The following ARFGAP2 variants were observed in gnomAD, a reference collection of about 807,000 sequenced individuals.
ARFGAP2 encodes the protein ADP-ribosylation factor GTPase-activating protein 2.
ARFGAP2 carries 45 observed loss-of-function variants against 71.9 expected under a neutral mutation model. That is an observed-to-expected ratio of 0.63 (90% CI 0.49 to 0.80). ARFGAP2 has a LOEUF of 0.80. ARFGAP2 is among the 30% of genes least tolerant of loss of function. The pLI, the probability that ARFGAP2 is intolerant of heterozygous loss-of-function variation, is 0.00. For missense variants in ARFGAP2, 633 were observed against 673.9 expected, an observed-to-expected ratio of 0.94 and a Z score of 0.67; for synonymous variants, 248 against 249.2, an observed-to-expected ratio of 1.00 and a Z score of 0.05.
chr11:47,172,251 CCCTCTACCATACCA>C lies in ARFGAP2; in HGVS notation c.672+16_672+29del, dbSNP rs1312923638. 3.1e-6 allele frequency: 5 copies of C among 1,611,450 alleles called. No homozygotes were observed. The African/African-American group carries it at 6.7e-5, about 22-fold the overall frequency. On this transcript the variant is annotated intron_variant, in intron 8 of 15. Coordinates refer to ENST00000524782, the MANE Select transcript of ARFGAP2 (RefSeq NM_032389.6). ...AGGTAGCCTGCACCCAGCTCCTAAC[CCCTCTACCATACCA>C]CCTCTCCCCACCTACCCCTTTCTTA...
intron 5 of ARFGAP2, 182 bp from the exon 6 acceptor site, chr11:47,174,022 G>GCCC: frequency 8.5e-7 from 1 of 1,174,038 alleles, no homozygotes; most frequent in Non-Finnish European, 1.2e-6. Context: ...AAGACAAGCA[G>GCCC]CCCCCACCCC....
chr11:47,175,469 A>T, intron 3 of ARFGAP2, 156 bp from the exon 4 acceptor site: 2 of 1,217,826 alleles, frequency 1.6e-6, no homozygotes, highest in Non-Finnish European at 2.3e-6. Context: ...AAGTTTCTCG[A>T]AATTCCTGCA....
At chr11:47,174,934 A>C in intron 5 of ARFGAP2, 81 bp downstream of exon 5, 1 of 1,449,218 alleles carries the variant, frequency 6.9e-7, no homozygotes, top group East Asian at 2.3e-5. Context: ...TGGAATCTAC[A>C]ACCATGATCA....
rs534206837 is a variant in ARFGAP2, at chr11:47,171,310, G to C, written c.941+116C>G. 5 of 1,479,178 alleles carry C rather than the reference G, an allele frequency of 3.4e-6. No homozygotes were observed. In the South Asian group the frequency reaches 4.0e-5, roughly 12 times the overall value. The allele number at this position is 1,479,178 out of a possible 1,614,324, so 91.6% of individuals were successfully genotyped here. A position where few individuals can be genotyped will look rare whatever the true frequency, so the allele number is the denominator to read the frequency against. On this transcript the variant is annotated intron_variant, in intron 10 of 15. Coordinates refer to ENST00000524782, the MANE Select transcript of ARFGAP2 (RefSeq NM_032389.6). ...GGGACTTTAGAACAATAAGCCAAGT[G>C]ATCTATTCAGACTTGGAGAAACAAT...
chr11:47,173,224 C>A (rs1952667529), intron 7 of ARFGAP2: 1 of 668,858 alleles, frequency 1.5e-6, no homozygotes, highest in South Asian at 1.8e-5. Context: ...CCAGCCCACC[C>A]AGATTCATCA....
intron 7 of ARFGAP2, 197 bp downstream of exon 7, chr11:47,173,229 T>A: frequency 1.5e-6 from 1 of 677,576 alleles, no homozygotes; most frequent in South Asian, 1.8e-5. Context: ...CCACCCAGAT[T>A]CATCAATTCA....
At position 47,167,982 on chromosome 11, in the gene ARFGAP2, C is replaced by G; in HGVS notation, c.1132G>C (p.Ala378Pro). Reference protein sequence around the residue: ...SFGSRWDTDAAWGMDRVEEKE... With the variant: ...SFGSRWDTDAPWGMDRVEEKE... ...TCCTCTACCCTGTCCATACCCCAGGCAGCATCTGTATCCCAGCGGGAGCCA... is the reference window on the plus strand; with the variant it reads ...TCCTCTACCCTGTCCATACCCCAGGGAGCATCTGTATCCCAGCGGGAGCCA... Residue 378 changes from alanine (A) to proline (P), a missense_variant, in exon 12 of 16, where the codon GCC (alanine) becomes CCC (proline). Physicochemically the swap from Ala to Pro is conservative, Grantham distance 27. Coordinates refer to ENST00000524782, the MANE Select transcript of ARFGAP2 (RefSeq NM_032389.6). 6.2e-7 allele frequency: 1 copy of G among 1,614,130 alleles called. No homozygotes were observed. Among genetic ancestry groups the G allele is most frequent in the Non-Finnish European group, 8.5e-7 (1 of 1,180,008 alleles).
intron 10 of ARFGAP2, among the ~76,000 whole-genome samples, chr11:47,169,123 C>T (rs1952500360): frequency 6.6e-6 from 1 of 151,450 alleles, no homozygotes; most frequent in Admixed American, 6.6e-5. Flanking sequence ...ACCATCCTGG[C>T]TAACATGGTG....
In ARFGAP2 at chr11:47,176,592, T is replaced by C; in HGVS notation, c.115A>G (p.Ile39Val). The C allele has an allele frequency of 6.2e-7, 1 of 1,614,124 alleles. No homozygotes were observed. The highest frequency in any genetic ancestry group is 8.5e-7 in the Non-Finnish European group (1 of 1,180,036). The change falls in exon 2 of 16, where the codon ATC (isoleucine) becomes GTC (valine). Residue 39 changes from isoleucine (I) to valine (V), a missense_variant. Physicochemically the swap from Ile to Val is conservative, Grantham distance 29. Transcript: ENST00000524782. ...ATGCACAAGAAAACACCGTACGTGA[T>C]GCTGGCCCAACTCGGATTCTTGGCG... ...CGAKNPSWAS[I>V]TYGVFLCIDC... is the part of the protein sequence containing the mutation.
intron 15 of ARFGAP2, 152 bp from the exon 16 acceptor site, chr11:47,165,654 A>G (rs1952330647): frequency 2.5e-6 from 2 of 806,010 alleles, no homozygotes. Flanking sequence ...CCACGGTGAG[A>G]GCTGGGGCAG....
chr11:47,176,695 A>AC, intron 1 of ARFGAP2, 61 bp from the exon 2 acceptor site: 1 of 1,610,792 alleles, frequency 6.2e-7, no homozygotes, highest in South Asian at 1.1e-5. Context: ...AGGCACCGAC[A>AC]CCCCAGAAAC....
rs777611740 is a variant in ARFGAP2, at chr11:47,175,327, A to G, written c.265-14T>C. On this transcript the variant is annotated splice_polypyrimidine_tract_variant and intron_variant, in intron 3 of 15. Coordinates refer to ENST00000524782, the MANE Select transcript of ARFGAP2 (RefSeq NM_032389.6). ...AAAAAAAGCCGTCTGGAGAGCAAAG[A>G]AGAGAGCAGCGCGTGCTACGGGTGA... The G allele has an allele frequency of 6.2e-7, 1 of 1,613,946 alleles. No homozygotes were observed. Among genetic ancestry groups the G allele is most frequent in the African/African-American group, 1.3e-5 (1 of 74,932 alleles).
In ARFGAP2 at chr11:47,176,833, C is replaced by T. The variant is rs759782716; in HGVS notation, c.21G>A (p.Lys7=). The part of the protein sequence containing the change: MAAEPN[K]TEIQTLFKRL... ...TCTTAAAAAGAGTCTGGATTTCGGT[C>T]TTGTTCGGCTCCGCCGCCATTTTCT... Residue 7 remains lysine (K), a synonymous_variant, in exon 1 of 16, where the codon AAG becomes AAA. Coordinates refer to ENST00000524782, the MANE Select transcript of ARFGAP2 (RefSeq NM_032389.6). 3 of 1,613,856 alleles carry T rather than the reference C, an allele frequency of 1.9e-6. No individual in the cohort carries two copies. Among genetic ancestry groups the T allele is most frequent in the Non-Finnish European group, 1.7e-6 (2 of 1,180,006 alleles).
chr11:47,173,071 C>T lies in ARFGAP2; in HGVS notation c.619+355G>A, dbSNP rs141930882. 611 of 391,660 alleles carry T rather than the reference C, an allele frequency of 1.6e-3. 1 individual carries two copies. Among genetic ancestry groups the T allele is most frequent in the African/African-American group, 0.012 (562 of 48,410 alleles). 24.3% of individuals were successfully genotyped at this position (391,660 alleles called of 1,614,324 possible). A position where few individuals can be genotyped will look rare whatever the true frequency, so the allele number is the denominator to read the frequency against. ...ACCTCCAGCCTTCGGCAGCTCAGAG[C>T]TGTCCCTCCACCCCCGGAAATGCAC... On this transcript the variant is annotated intron_variant, in intron 7 of 15. Transcript: ENST00000524782.
chr11:47,173,274 T>C (rs1202893136), intron 7 of ARFGAP2, 152 bp downstream of exon 7: 3 of 914,070 alleles, frequency 3.3e-6, no homozygotes, highest in East Asian at 2.7e-5. Flanking sequence ...TTGCATCCAC[T>C]ATTTCAATCA....
chr11:47,173,810 G>T lies in ARFGAP2; in HGVS notation c.511C>A (p.Pro171Thr), dbSNP rs757406658. Residue 171 changes from proline to threonine, a missense_variant, in exon 6 of 16, where the codon CCT becomes ACT. Transcript: ENST00000524782. ...PPAWDAPATEPSGTQQPAPST... is the reference protein window; with the variant it reads ...PPAWDAPATETSGTQQPAPST... ...GGGGCTGGCTGCTGGGTCCCTGAAGGCTCAGTGGCTGGCGCATCCCAGGCA... is the reference window on the plus strand; with the variant it reads ...GGGGCTGGCTGCTGGGTCCCTGAAGTCTCAGTGGCTGGCGCATCCCAGGCA... The T allele has an allele frequency of 1.2e-5, 20 of 1,605,218 alleles. No individual in the cohort carries two copies. Among genetic ancestry groups the T allele is most frequent in the East Asian group, 2.2e-5 (1 of 44,506 alleles).
chr11:47,174,006 A>G (rs1336307703), intron 5 of ARFGAP2, 166 bp from the exon 6 acceptor site: 3 of 1,363,294 alleles, frequency 2.2e-6, no homozygotes, highest in Non-Finnish European at 2.0e-6. Context: ...TGTGGAAGAA[A>G]GCAGGAAGAC....
chr11:47,172,400 C>T, intron 7 of ARFGAP2, 67 bp from the exon 8 acceptor site: 1 of 1,545,908 alleles, frequency 6.5e-7, no homozygotes, highest in Non-Finnish European at 8.9e-7. Flanking sequence ...TCAGTATACA[C>T]CATGCAGCTT....
chr11:47,176,785 G>A lies in ARFGAP2; in HGVS notation c.69C>T (p.Asn23=), dbSNP rs755735587. The A allele has an allele frequency of 1.8e-5, 29 of 1,614,026 alleles. No homozygotes were observed. The Admixed American group carries it at 3.3e-4, about 19-fold the overall frequency. The change falls in exon 1 of 16, where the codon AAC becomes AAT. Residue 23 remains asparagine (N), a synonymous_variant. Coordinates refer to ENST00000524782, the MANE Select transcript of ARFGAP2 (RefSeq NM_032389.6). ...CGCGCGCCCCCTGCTCACGCACCTT[G>A]TTGGTTGGAACTGCGCGAAGCCTCT... is the stretch of plus-strand genomic sequence containing the variant. ...LFKRLRAVPT[N]KACFDCGAKN...
Sources: allele counts gnomAD v4.1 joint callset (sites outside exome capture counted in the v4.1 genomes callset), GRCh38; gene constraint gnomAD v4.1.1; transcripts MANE v1.5; gene names NCBI Gene and HGNC (gene_info 2026-07-23, HGNC 2026-07-21).